ZNF737: variants seen among roughly 807,000 people sequenced by gnomAD.
ZNF737 encodes the protein zinc finger protein 102 (Y3).
Under a neutral mutation model 11.7 loss-of-function variants are expected in ZNF737, and 13 were observed. The observed-to-expected ratio is 1.11, with a 90% CI of 0.73 to 1.77. The LOEUF (loss-of-function observed/expected upper bound fraction) is 1.77, where lower values mean the gene tolerates loss of function less well. ZNF737 is among the 40% of genes most tolerant of loss of function. ZNF737 has a pLI of 0.00. For synonymous variants in ZNF737, 217 were observed against 216.2 expected (o/e 1.00, Z -0.03); for missense variants, 636 against 638.0 (o/e 1.00, Z 0.03).
In ZNF737 at chr19:20,539,863, T is replaced by C. The variant is rs1968128873; in HGVS notation, c.*4729A>G. The C allele has an allele frequency of 1.0e-6, 1 of 985,236 alleles. No homozygotes were observed. The allele number at this position is 985,236 out of a possible 1,614,324, so 61.0% of individuals were successfully genotyped here. A position where few individuals can be genotyped will look rare whatever the true frequency, so the allele number is the denominator to read the frequency against. On this transcript the variant is annotated 3_prime_UTR_variant, in exon 4 of 4. Transcript: ENST00000427401. ...TGATTGAATTAGAATGAGTTCAGCC[T>C]TGTTGGTAGACTATTGGTATCCCAG...
chr19:20,557,903 C>T (rs536692964), intron 1 of ZNF737, among the ~76,000 whole-genome samples: 1 of 152,124 alleles, frequency 6.6e-6, no homozygotes, highest in Admixed American at 6.6e-5. Context: ...GCATGAGCAA[C>T]CATGCCCAGC....
At chr19:20,549,576 C>T (rs888424159) in intron 3 of ZNF737, among the ~76,000 whole-genome samples, 8 of 151,688 alleles carry the variant, frequency 5.3e-5, no homozygotes, top group African/African-American at 1.9e-4. Context: ...AACTTCAAAA[C>T]AACAATAAGA....
chr19:20,546,112 C>T, intron 3 of ZNF737, 136 bp from the exon 4 acceptor site: 1 of 1,168,804 alleles, frequency 8.6e-7, no homozygotes, highest in South Asian at 1.7e-5. Flanking sequence ...TAATTTCTTC[C>T]TGGATACATA....
downstream of ZNF737, among the ~76,000 whole-genome samples, chr19:20,533,815 G>A (rs1967887172): frequency 6.7e-6 from 1 of 149,988 alleles, no homozygotes; most frequent in African/African-American, 2.5e-5. Context: ...GGGATCACCT[G>A]GGCTGAGCTA....
rs1969276667 is a variant in ZNF737 at position 20,565,760 on chromosome 19, C to T, written c.-120G>A. On this transcript the variant is annotated 5_prime_UTR_variant, in exon 1 of 4. Coordinates refer to ENST00000427401, the MANE Select transcript of ZNF737 (RefSeq NM_001159293.2). Reference sequence around the variant, plus strand: ...GGACACACAGCAGTGAAGACAAGACCTGGAGCTCCGGCTGCAGAGACAAAG... The same window carrying T: ...GGACACACAGCAGTGAAGACAAGACTTGGAGCTCCGGCTGCAGAGACAAAG... The T allele has an allele frequency of 1.3e-5, 19 of 1,513,302 alleles. No individual in the cohort carries two copies. In the South Asian group the frequency reaches 2.0e-4, roughly 16 times the overall value. 93.7% of individuals were successfully genotyped at this position (1,513,302 alleles called of 1,614,324 possible). A position where few individuals can be genotyped will look rare whatever the true frequency, so the allele number is the denominator to read the frequency against.
intron 3 of ZNF737, among the ~76,000 whole-genome samples, chr19:20,550,647 T>C (rs1968628560): frequency 6.6e-6 from 1 of 152,160 alleles, no homozygotes; most frequent in Non-Finnish European, 1.5e-5. Context: ...GACAGCTCCA[T>C]GGAACATTAA....
At chr19:20,531,212 A>G (rs1443485553), downstream of ZNF737, among the ~76,000 whole-genome samples, 5 of 133,096 alleles carry the variant, frequency 3.8e-5, no homozygotes, top group Non-Finnish European at 6.4e-5. Context: ...TGAGAGGGAG[A>G]CCGTGGAAAG....
rs144843168 is a variant in ZNF737 at position 20,545,216 on chromosome 19, A to G, written c.987T>C (p.Thr329=). The G allele has an allele frequency of 1.1e-4, 185 of 1,613,970 alleles. 1 individual carries two copies. The African/African-American group carries it at 2.2e-3, about 20-fold the overall frequency. The change falls in exon 4 of 4, where the codon ACT becomes ACC. Residue 329 remains threonine (T), a synonymous_variant. Transcript: ENST00000427401. ...CTCCAGTATGAATTCTTTTATGTGT[A>G]GTAAGGACAGAGGGGTGCTTAAAGG... ...GKAFKHPSVL[T]THKRIHTGEK...
chr19:20,564,566 T>C (rs1969223314), intron 1 of ZNF737, among the ~76,000 whole-genome samples: 1 of 151,740 alleles, frequency 6.6e-6, no homozygotes, highest in South Asian at 2.1e-4. Flanking sequence ...AGCAGAAGAA[T>C]GCTTGAACCT....
intron 1 of ZNF737, among the ~76,000 whole-genome samples, chr19:20,564,452 T>C (rs1348823854): frequency 6.6e-5 from 10 of 151,940 alleles, no homozygotes; most frequent in Non-Finnish European, 1.5e-4. Flanking sequence ...CCTTGGTAAC[T>C]AGCATTCCTG....
rs539041065 is a variant in ZNF737, at chr19:20,541,161, C to G, written c.*3431G>C. On this transcript the variant is annotated 3_prime_UTR_variant, in exon 4 of 4. Coordinates refer to ENST00000427401, the MANE Select transcript of ZNF737 (RefSeq NM_001159293.2). ...AGCAGAAAGTATAGATTTGCTTTCACCATTTTAAAAGTGTTTAGTTTTGTT... is the reference window on the plus strand; with the variant it reads ...AGCAGAAAGTATAGATTTGCTTTCAGCATTTTAAAAGTGTTTAGTTTTGTT... The G allele has an allele frequency of 6.7e-4, 663 of 982,450 alleles. No individual in the cohort carries two copies. Among genetic ancestry groups the G allele is most frequent in the Non-Finnish European group, 7.7e-4 (638 of 827,348 alleles). 60.9% of individuals were successfully genotyped at this position (982,450 alleles called of 1,614,324 possible). A position where few individuals can be genotyped will look rare whatever the true frequency, so the allele number is the denominator to read the frequency against.
chr19:20,546,997 G>A (rs2562646), intron 3 of ZNF737, among the ~76,000 whole-genome samples: 6,880 of 152,220 alleles, frequency 0.045, 234 homozygotes, highest in East Asian at 0.19. Context: ...TCTAAAATAA[G>A]TGAATATGAA....
chr19:20,537,511 A>ATTTTTTTTTT (rs1163609628), downstream of ZNF737, among the ~76,000 whole-genome samples: 34 of 77,096 alleles, frequency 4.4e-4, 1 homozygote, highest in African/African-American at 1.6e-3. Flanking sequence ...CTGGTTTTCT[A>ATTTTTTTTTT]TTTTTTTTTT....
At position 20,542,105 on chromosome 19, in the gene ZNF737, C is replaced by T. The variant is rs2144596509; in HGVS notation, c.*2487G>A. 1.0e-6 allele frequency: 1 copy of T among 985,256 alleles called. No individual in the cohort carries two copies. The highest frequency in any genetic ancestry group is 4.7e-5 in the South Asian group (1 of 21,276). 61.0% of individuals were successfully genotyped at this position (985,256 alleles called of 1,614,324 possible). ...CAATGTATGAAATAGTATATTCCTA[C>T]AATATTGTACCTACACCCTTGAGTA... On this transcript the variant is annotated 3_prime_UTR_variant, in exon 4 of 4. Transcript: ENST00000427401.
Position 20,545,013 on chromosome 19 carries a change from T to G in ZNF737, c.1190A>C (p.Tyr397Ser). Reference sequence around the variant, plus strand: ...GGCTTCGCCACATTCTTCACATTTGTAGGGTTTCTCTCCAGTATGAATTCT... The same window carrying G: ...GGCTTCGCCACATTCTTCACATTTGGAGGGTTTCTCTCCAGTATGAATTCT... ...HKRIHTGEKPYKCEECGEAFK... is the reference protein window; with the variant it reads ...HKRIHTGEKPSKCEECGEAFK... The change falls in exon 4 of 4, where the codon TAC (tyrosine) becomes TCC (serine). Residue 397 changes from tyrosine to serine, a missense_variant. Physicochemically the swap from Tyr to Ser is moderately radical, Grantham distance 144 (BLOSUM62 -2). Coordinates refer to ENST00000427401, the MANE Select transcript of ZNF737 (RefSeq NM_001159293.2). 2 of 1,613,890 alleles carry G rather than the reference T, an allele frequency of 1.2e-6. No individual in the cohort carries two copies. The highest frequency in any genetic ancestry group is 1.7e-6 in the Non-Finnish European group (2 of 1,179,962).
At chr19:20,555,728 G>A (rs1968865224) in intron 1 of ZNF737, among the ~76,000 whole-genome samples, 1 of 152,166 alleles carries the variant, frequency 6.6e-6, no homozygotes, top group South Asian at 2.1e-4. Flanking sequence ...AGAAACACAA[G>A]TAGAGAAGTA....
At chr19:20,552,648 A>G (rs1568432171) in intron 2 of ZNF737, 78 bp from the exon 3 acceptor site, 3 of 899,350 alleles carry the variant, frequency 3.3e-6, no homozygotes, top group Non-Finnish European at 4.8e-6. Context: ...CGCAAAGACA[A>G]TGTAATAAAA....
chr19:20,543,658 A>T lies in ZNF737; in HGVS notation c.*934T>A, dbSNP rs531177750. The T allele has an allele frequency of 1.7e-5, 17 of 985,522 alleles. No individual in the cohort carries two copies. In the East Asian group the frequency reaches 1.7e-3, roughly 99 times the overall value. The allele number at this position is 985,522 out of a possible 1,614,324, so 61.0% of individuals were successfully genotyped here. ...GCCAGTATGAATTATCCAACCTACA[A>T]TCAAGAGTGGCAACCATATAAAGGC... On this transcript the variant is annotated 3_prime_UTR_variant, in exon 4 of 4. Coordinates refer to ENST00000427401, the MANE Select transcript of ZNF737 (RefSeq NM_001159293.2).
At chr19:20,565,604 C>T (rs530405501) in intron 1 of ZNF737, 34 bp downstream of exon 1, 1 of 1,614,182 alleles carries the variant, frequency 6.2e-7, no homozygotes, top group African/African-American at 1.3e-5. Flanking sequence ...CCAGCCTATC[C>T]CCCTCTCTCG....
Sources: allele counts gnomAD v4.1 joint callset (sites outside exome capture counted in the v4.1 genomes callset), GRCh38; gene constraint gnomAD v4.1.1; transcripts MANE v1.5; gene names NCBI Gene and HGNC (gene_info 2026-07-23, HGNC 2026-07-21).